The following CCDC82 variants were observed in gnomAD, a reference collection of about 807,000 sequenced individuals.
CCDC82 encodes the protein coiled-coil domain containing 82.
CCDC82 carries 47 observed loss-of-function variants against 60.6 expected under a neutral mutation model. The ratio of observed to expected loss-of-function variants is 0.77; its 90% confidence interval spans 0.61 to 0.99. CCDC82 has a LOEUF of 0.99. Among genes scored for constraint, CCDC82 ranks in the 50% least tolerant of loss-of-function variants. The probability of loss-of-function intolerance (pLI) is 0.00; values close to 1 mark genes in which losing one functional copy is unlikely to be tolerated. For synonymous variants in CCDC82, 212 were observed against 207.4 expected, an observed-to-expected ratio of 1.02 and a Z score of -0.19; for missense variants, 588 against 633.0, an observed-to-expected ratio of 0.93 and a Z score of 0.76.
intron 1 of CCDC82, chr11:96,388,128 T>C (rs1386234661): frequency 1.3e-5 from 2 of 152,226 alleles, no homozygotes; most frequent in East Asian, 1.9e-4. Context: ...TGAATATGTT[T>C]GGCTCTTCTT....
intron 7 of CCDC82, among the ~76,000 whole-genome samples, chr11:96,367,909 C>T (rs1278433274): frequency 1.3e-5 from 2 of 150,422 alleles, no homozygotes; most frequent in African/African-American, 2.4e-5. Flanking sequence ...CAACCTCTGC[C>T]TCCCAGGTTC....
At chr11:96,363,392 G>GA (rs1250194161) in intron 8 of CCDC82, 2 of 151,982 alleles carry the variant, frequency 1.3e-5, no homozygotes, top group Non-Finnish European at 2.9e-5. Flanking sequence ...TCACTTTAAA[G>GA]AAAAAATTAC....
intron 8 of CCDC82, among the ~76,000 whole-genome samples, chr11:96,360,871 T>C (rs1194981911): frequency 6.6e-6 from 1 of 152,268 alleles, no homozygotes; most frequent in Non-Finnish European, 1.5e-5. Flanking sequence ...GAAAACTGTA[T>C]TTTGGACATT....
chr11:96,362,141 T>C (rs1864693787), intron 8 of CCDC82, among the ~76,000 whole-genome samples: 1 of 152,188 alleles, frequency 6.6e-6, no homozygotes, highest in Non-Finnish European at 1.5e-5. Context: ...ACATGGAGTG[T>C]AAATTAAATC....
intron 3 of CCDC82, 35 bp from the exon 4 acceptor site, chr11:96,384,796 T>C: frequency 7.4e-7 from 1 of 1,353,796 alleles, no homozygotes; most frequent in Non-Finnish European, 1.0e-6. Context: ...ATAACAGTGA[T>C]AACCAGATTA....
At chr11:96,366,819 T>C (rs1864975164) in intron 7 of CCDC82, among the ~76,000 whole-genome samples, 1 of 152,220 alleles carries the variant, frequency 6.6e-6, no homozygotes, top group Non-Finnish European at 1.5e-5. Context: ...AAATAATCTA[T>C]AAATACAGTA....
In CCDC82 at chr11:96,384,421, A is replaced by C. The variant is rs377425464; in HGVS notation, c.327T>G (p.Tyr109Ter). Reference protein sequence around the residue: ...CLINSGNGSTYEEETNKIKHR... With the variant: ...CLINSGNGST ...GTTTGATTTTGTTCGTTTCTTCTTC[A>C]TATGTTGAACCGTTGCCAGAGTTAA... The change falls in exon 4 of 10, where the codon TAT (tyrosine) becomes TAG (stop). Residue 109 changes from tyrosine to a stop codon, truncating the protein, a stop_gained. Coordinates refer to ENST00000646818, the MANE Select transcript of CCDC82 (RefSeq NM_024725.4). LOFTEE classifies it high-confidence loss of function. 3.1e-6 allele frequency: 5 copies of C among 1,613,704 alleles called. No homozygotes were observed. The highest frequency in any genetic ancestry group is 4.2e-6 in the Non-Finnish European group (5 of 1,179,810).
intron 9 of CCDC82, chr11:96,358,362 T>A (rs1271445286): frequency 3.3e-6 from 4 of 1,216,982 alleles, no homozygotes; most frequent in Non-Finnish European, 4.1e-6. Flanking sequence ...TGCCAGCAGA[T>A]CTTCGGGAAT....
At chr11:96,365,299 A>G (rs1302904352) in intron 7 of CCDC82, 149 bp from the exon 8 acceptor site, 1 of 456,118 alleles carries the variant, frequency 2.2e-6, no homozygotes, top group East Asian at 3.4e-5. Flanking sequence ...TACTGAGCAC[A>G]TAGTAGGTAT....
At chr11:96,371,848 G>A (rs1865291995) in intron 6 of CCDC82, among the ~76,000 whole-genome samples, 1 of 152,014 alleles carries the variant, frequency 6.6e-6, no homozygotes, top group African/African-American at 2.4e-5. Flanking sequence ...TTCTTCTTTA[G>A]CATGCTACAC....
At chr11:96,374,544 G>A (rs959188226) in intron 5 of CCDC82, among the ~76,000 whole-genome samples, 6 of 152,124 alleles carry the variant, frequency 3.9e-5, no homozygotes, top group Admixed American at 3.9e-4. Context: ...TTGGCCATTA[G>A]CCTTTAGATG....
chr11:96,360,356 CT>C (rs1307139910), intron 8 of CCDC82, among the ~76,000 whole-genome samples: 20 of 150,992 alleles, frequency 1.3e-4, no homozygotes, highest in African/African-American at 4.9e-4. Flanking sequence ...CCACACGCAG[CT>C]AATTTTTTTT....
intron 8 of CCDC82, among the ~76,000 whole-genome samples, chr11:96,361,344 T>C (rs1476847566): frequency 6.6e-6 from 1 of 152,242 alleles, no homozygotes; most frequent in East Asian, 1.9e-4. Context: ...TTAAAAATCC[T>C]AATTTTTTTT....
rs567187238 is a variant in CCDC82, at chr11:96,371,226, G to C, written c.1085-89C>G. 7.1e-5 allele frequency: 61 copies of C among 853,554 alleles called. No individual in the cohort carries two copies. In the African/African-American group the frequency reaches 1.1e-3, roughly 15 times the overall value. The allele number at this position is 853,554 out of a possible 1,614,324, so 52.9% of individuals were successfully genotyped here. On this transcript the variant is annotated intron_variant, in intron 6 of 9. Coordinates refer to ENST00000646818, the MANE Select transcript of CCDC82 (RefSeq NM_024725.4). ...TACTTAAAAATTTCTTCCCAACTTG[G>C]TTGGAAGCATTTTAAATTAGGAAAA...
chr11:96,380,293 T>C (rs1362364880), intron 5 of CCDC82, among the ~76,000 whole-genome samples: 2 of 151,674 alleles, frequency 1.3e-5, no homozygotes, highest in East Asian at 1.9e-4. Context: ...TGGTTACAAG[T>C]TGAGGAAAAA....
At position 96,383,202 on chromosome 11, in the gene CCDC82, C is replaced by A. The variant is rs144377544; in HGVS notation, c.991+67G>T. ...TGATTTAGAACATGATATTAAAAGG[C>A]TAATTTGATACTTGATAAAATATCA... is the stretch of plus-strand genomic sequence containing the variant. On this transcript the variant is annotated intron_variant, in intron 5 of 9. Transcript: ENST00000646818. 14 of 924,872 alleles carry A rather than the reference C, an allele frequency of 1.5e-5. No homozygotes were observed. The South Asian group carries it at 1.9e-4, about 13-fold the overall frequency. The allele number at this position is 924,872 out of a possible 1,614,324, so 57.3% of individuals were successfully genotyped here. A position where few individuals can be genotyped will look rare whatever the true frequency, so the allele number is the denominator to read the frequency against.
At chr11:96,371,560 T>TGATA (rs1161857884) in intron 6 of CCDC82, among the ~76,000 whole-genome samples, 1 of 152,210 alleles carries the variant, frequency 6.6e-6, no homozygotes, top group Non-Finnish European at 1.5e-5. Context: ...CCAGCCTGGG[T>TGATA]GATAGAGTGA....
rs745892275 is a variant in CCDC82, at chr11:96,384,654, T to G, written c.94A>C (p.Ser32Arg). The G allele has an allele frequency of 6.2e-7, 1 of 1,613,554 alleles. No individual in the cohort carries two copies. Among genetic ancestry groups the G allele is most frequent in the Non-Finnish European group, 8.5e-7 (1 of 1,179,698 alleles). Residue 32 changes from serine (S) to arginine (R), a missense_variant, in exon 4 of 10, where the codon AGT becomes CGT. Coordinates refer to ENST00000646818, the MANE Select transcript of CCDC82 (RefSeq NM_024725.4). ...SRVDWRRTKR[S>R]SISQLLDSDE... ...CTATCAAGTAATTGTGAGATACTAC[T>G]TCTTTTAGTTCGCCTCCAATCAACT...
intron 8 of CCDC82, among the ~76,000 whole-genome samples, chr11:96,362,681 C>T (rs1244194291): frequency 6.6e-6 from 1 of 152,162 alleles, no homozygotes; most frequent in Non-Finnish European, 1.5e-5. Flanking sequence ...CCTCTCGTCT[C>T]AGTACCCTAT....
Sources: gnomAD v4.1 joint callset for allele counts (sites outside exome capture counted in the v4.1 genomes callset) on GRCh38, gnomAD v4.1.1 for gene constraint, MANE v1.5 for transcripts, NCBI Gene and HGNC (gene_info 2026-07-23, HGNC 2026-07-21) for gene names.